NAA15: variants seen among roughly 807,000 people sequenced by gnomAD.
NAA15 encodes the protein N-alpha-acetyltransferase 15, NatA auxiliary subunit.
NAA15 carries 34 observed loss-of-function variants against 114.0 expected under a neutral mutation model. The ratio of observed to expected loss-of-function variants is 0.30; its 90% CI spans 0.23 to 0.40. The LOEUF is 0.40. NAA15 is among the 10% of genes least tolerant of loss of function. The pLI is 1.00. For missense variants in NAA15, 658 were observed against 1,004.5 expected, an observed-to-expected ratio of 0.66 and a Z score of 4.66; for synonymous variants, 340 against 338.0, an observed-to-expected ratio of 1.01 and a Z score of -0.06.
At chr4:139,365,049 A>G (rs1373782839) in intron 14 of NAA15, among the ~76,000 whole-genome samples, 2 of 151,878 alleles carry the variant, frequency 1.3e-5, no homozygotes, top group East Asian at 3.9e-4. Context: ...TTATTTATTT[A>G]TTTTTGAGAT....
intron 2 of NAA15, 116 bp downstream of exon 2, chr4:139,334,374 C>G (rs559064299): frequency 1.8e-6 from 1 of 546,954 alleles, no homozygotes; most frequent in Admixed American, 3.5e-5. Context: ...TCATCTTTGA[C>G]TTCTGTGAGA....
chr4:139,391,364 A>T lies in NAA15; in HGVS notation c.*3280A>T, dbSNP rs77751506. ...GGTTGAAAAATTTCAACCTGTAGCA[A>T]TAAAACATTTTTGGAAAAGATTACT... On this transcript the variant is annotated 3_prime_UTR_variant, in exon 20 of 20. Coordinates refer to ENST00000296543, the MANE Select transcript of NAA15 (RefSeq NM_057175.5). The T allele has an allele frequency of 1.3e-5, 2 of 152,254 alleles. No individual in the cohort carries two copies. The highest frequency in any genetic ancestry group is 2.9e-5 in the Non-Finnish European group (2 of 68,046). The allele number at this position is 152,254 out of a possible 1,614,324, so 9.4% of individuals were successfully genotyped here. A position where few individuals can be genotyped will look rare whatever the true frequency, so the allele number is the denominator to read the frequency against.
chr4:139,353,973 A>G, intron 9 of NAA15, 53 bp from the exon 10 acceptor site: 1 of 1,394,624 alleles, frequency 7.2e-7, no homozygotes, highest in Non-Finnish European at 1.0e-6. Context: ...TTGCATAAGA[A>G]TAGTAAATGT....
intron 6 of NAA15, among the ~76,000 whole-genome samples, chr4:139,348,647 A>G (rs982423152): frequency 6.6e-6 from 1 of 152,202 alleles, no homozygotes; most frequent in Non-Finnish European, 1.5e-5. Context: ...TGAAGCTTAT[A>G]TGGCTTTGGA....
At chr4:139,354,967 C>T (rs72726520) in intron 10 of NAA15, among the ~76,000 whole-genome samples, 40,369 of 152,034 alleles carry the variant, frequency 0.27, 5,680 homozygotes, top group African/African-American at 0.35. Context: ...ACCTCCACCT[C>T]CCAGGTGCAA....
At position 139,344,304 on chromosome 4, in the gene NAA15, A is replaced by C; in HGVS notation, c.656A>C (p.Gln219Pro). 6.2e-7 allele frequency: 1 copy of C among 1,610,794 alleles called. No homozygotes were observed. The highest frequency in any genetic ancestry group is 8.5e-7 in the Non-Finnish European group (1 of 1,178,806). Residue 219 changes from glutamine (Q) to proline (P), a missense_variant, in exon 6 of 20, where the codon CAG (glutamine) becomes CCG (proline). Physicochemically the swap from Gln to Pro is moderately conservative, Grantham distance 76. Around this residue, in one of 6 missense-constraint regions of NAA15, gnomAD observed 281 missense variants for 389.1 expected, o/e 0.72. Coordinates refer to ENST00000296543, the MANE Select transcript of NAA15 (RefSeq NM_057175.5). ...ALEHLCTYEK[Q>P]ICDKLAVEET... is the part of the protein sequence containing the mutation. ...GAACATCTTTGTACCTATGAAAAGC[A>C]GATTTGTGATAAACTTGCTGTAGAA...
chr4:139,371,950 C>T (rs1579131626), intron 15 of NAA15, among the ~76,000 whole-genome samples: 1 of 152,268 alleles, frequency 6.6e-6, no homozygotes, highest in South Asian at 2.1e-4. Context: ...GAGTCTTGCT[C>T]TGTTACCCAG....
rs1748577149 is a variant in NAA15, at chr4:139,376,231, T to C, written c.1948-134T>C. On this transcript the variant is annotated intron_variant, in intron 15 of 19. Coordinates refer to ENST00000296543, the MANE Select transcript of NAA15 (RefSeq NM_057175.5). Reference sequence around the variant, plus strand: ...ATCCCCTTTTTTAGGTTATAGGAGGTTAAAATATGACAGTGTTTTTCTGGG... The same window carrying C: ...ATCCCCTTTTTTAGGTTATAGGAGGCTAAAATATGACAGTGTTTTTCTGGG... The C allele has an allele frequency of 6.7e-6, 4 of 593,440 alleles. No individual in the cohort carries two copies. In the East Asian group the frequency reaches 1.2e-4, roughly 17 times the overall value. 36.8% of individuals were successfully genotyped at this position (593,440 alleles called of 1,614,324 possible). A position where few individuals can be genotyped will look rare whatever the true frequency, so the allele number is the denominator to read the frequency against.
Position 139,301,816 on chromosome 4 carries a change from C to G in NAA15, c.39C>G (p.Leu13=), listed in dbSNP as rs531350160. The G allele has an allele frequency of 6.3e-7, 1 of 1,593,950 alleles. No individual in the cohort carries two copies. Among genetic ancestry groups the G allele is most frequent in the Non-Finnish European group, 8.5e-7 (1 of 1,170,088 alleles). The change falls in exon 1 of 20, where the codon CTC becomes CTG. Residue 13 remains leucine, a synonymous_variant. Coordinates refer to ENST00000296543, the MANE Select transcript of NAA15 (RefSeq NM_057175.5). The part of the protein sequence containing the change: ...AVSLPPKENA[L]FKRILRCYEH... ...GCCTCCCGCCCAAGGAGAATGCGCT[C>G]TTCAAGCGGATCTTGGTAAGTGTGA...
intron 17 of NAA15, among the ~76,000 whole-genome samples, chr4:139,382,675 T>C: frequency 6.6e-6 from 1 of 152,128 alleles, no homozygotes; most frequent in Non-Finnish European, 1.5e-5. Flanking sequence ...GCTTTTCCAC[T>C]GAAAAACAAG....
intron 1 of NAA15, among the ~76,000 whole-genome samples, chr4:139,305,426 G>A (rs546459986): frequency 5.6e-4 from 85 of 151,318 alleles, no homozygotes; most frequent in African/African-American, 2.0e-3. Context: ...TTGATAGTAA[G>A]TTAGTGCTTT....
chr4:139,314,998 C>CAGTTTAGTTT lies in NAA15; in HGVS notation c.54+13170_54+13179dup, dbSNP rs147452755. ...GCCTAGAGAAGCGTTCAGTTCAGTTCAGTTTAGTTTAGGTTAGGTTAGGTT... is the reference window on the plus strand; with the variant it reads ...GCCTAGAGAAGCGTTCAGTTCAGTTCAGTTTAGTTTAGTTTAGTTTAGGTTAGGTTAGGTT... On this transcript the variant is annotated intron_variant, in intron 1 of 19. Coordinates refer to ENST00000296543, the MANE Select transcript of NAA15 (RefSeq NM_057175.5). Among the ~76,000 whole-genome samples the CAGTTTAGTTT allele has an allele frequency of 8.9e-3, 595 of 66,502 alleles. 24 individuals are homozygous for CAGTTTAGTTT. The highest frequency in any genetic ancestry group is 0.034 in the East Asian group (106 of 3,082). 43.6% of individuals were successfully genotyped at this position (66,502 alleles called of 152,430 possible).
At chr4:139,306,605 TTTG>T (rs1279861650) in intron 1 of NAA15, among the ~76,000 whole-genome samples, 1 of 151,292 alleles carries the variant, frequency 6.6e-6, no homozygotes, top group Non-Finnish European at 1.5e-5. Flanking sequence ...TGGTTTTTTT[TTTG>T]TTTTGTTTTG....
intron 6 of NAA15, among the ~76,000 whole-genome samples, chr4:139,345,814 G>T (rs1028886230): frequency 6.6e-6 from 1 of 152,048 alleles, no homozygotes; most frequent in African/African-American, 2.4e-5. Context: ...CCAGCTACTC[G>T]GGAGGCTGAG....
chr4:139,370,446 T>C, intron 15 of NAA15, 42 bp downstream of exon 15: 1 of 1,483,484 alleles, frequency 6.7e-7, no homozygotes, highest in Non-Finnish European at 8.9e-7. Context: ...TGACATTTTA[T>C]GACCAGCTCT....
rs79303707 is a variant in NAA15 at position 139,333,200 on chromosome 4, C to T, written c.55-974C>T. On this transcript the variant is annotated intron_variant, in intron 1 of 19. Transcript: ENST00000296543. Reference sequence around the variant, plus strand: ...TTCTATCTGTAGTTAGCAGAATCTACGCATGTAGAACCCATGGATATGGGG... The same window carrying T: ...TTCTATCTGTAGTTAGCAGAATCTATGCATGTAGAACCCATGGATATGGGG... Among the ~76,000 whole-genome samples the T allele has an allele frequency of 8.5e-3, 1,288 of 151,952 alleles. 20 individuals carry two copies. Among genetic ancestry groups the T allele is most frequent in the African/African-American group, 0.03 (1,235 of 41,416 alleles).
intron 1 of NAA15, 108 bp downstream of exon 1, chr4:139,301,939 C>A: frequency 8.2e-7 from 1 of 1,214,900 alleles, no homozygotes; most frequent in Non-Finnish European, 1.2e-6. Context: ...CCCGGGACCC[C>A]GCCTTCATAG....
At chr4:139,323,053 CTTTTTTTTTT>C (rs67137305) in intron 1 of NAA15, among the ~76,000 whole-genome samples, 2 of 117,486 alleles carry the variant, frequency 1.7e-5, no homozygotes, top group South Asian at 2.7e-4. Flanking sequence ...CTTTTCTTTT[CTTTTTTTTTT>C]TTTTTTTTTT....
intron 5 of NAA15, among the ~76,000 whole-genome samples, chr4:139,343,549 C>CT (rs1297458008): frequency 1.3e-5 from 2 of 152,196 alleles, no homozygotes; most frequent in Non-Finnish European, 2.9e-5. Flanking sequence ...GAAGGCTGTG[C>CT]TTTTGTAGGA....
Sources: allele counts gnomAD v4.1 joint callset (sites outside exome capture counted in the v4.1 genomes callset), GRCh38; gene constraint gnomAD v4.1.1; regional missense constraint gnomAD v4.1.1; transcripts MANE v1.5; gene names NCBI Gene and HGNC (gene_info 2026-07-23, HGNC 2026-07-21).